CAB39: variants seen among roughly 807,000 people sequenced by gnomAD.
CAB39 encodes the protein calcium binding protein 39, also known as calcium-binding protein 39.
CAB39 carries 8 observed loss-of-function variants against 40.0 expected under a neutral mutation model. The ratio of observed to expected loss-of-function variants is 0.20; its 90% CI spans 0.12 to 0.36. CAB39 has a LOEUF of 0.36. Among genes scored for constraint, CAB39 ranks in the 10% least tolerant of loss-of-function variants. The pLI, the probability that CAB39 is intolerant of heterozygous loss-of-function variation, is 1.00. For synonymous variants in CAB39, 156 were observed against 141.6 expected (o/e 1.10, Z -0.72); for missense variants, 270 against 401.1 (o/e 0.67, Z 2.79).
chr2:230,815,793 T>C (rs914839741), intron 7 of CAB39, among the ~76,000 whole-genome samples: 2 of 152,220 alleles, frequency 1.3e-5, no homozygotes, highest in Non-Finnish European at 2.9e-5. Flanking sequence ...CTGCAGTTTA[T>C]GTTAGCGGTG....
At chr2:230,809,892 A>G (rs1696274744) in intron 5 of CAB39, among the ~76,000 whole-genome samples, 1 of 152,116 alleles carries the variant, frequency 6.6e-6, no homozygotes, top group African/African-American at 2.4e-5. Context: ...ATTGTTTGAC[A>G]GTTTACCACT....
chr2:230,722,261 T>G (rs1226152462), intron 1 of CAB39, among the ~76,000 whole-genome samples: 3 of 152,216 alleles, frequency 2.0e-5, no homozygotes. Flanking sequence ...ACTACAAGGT[T>G]ACATGAATTT....
At chr2:230,750,610 GTTT>G (rs1156635929) in intron 1 of CAB39, among the ~76,000 whole-genome samples, 3 of 151,364 alleles carry the variant, frequency 2.0e-5, no homozygotes, top group African/African-American at 7.3e-5. Flanking sequence ...TCTCAATTTT[GTTT>G]TTATTTTAAA....
chr2:230,764,446 C>G (rs1401635940), intron 2 of CAB39, among the ~76,000 whole-genome samples: 2 of 152,164 alleles, frequency 1.3e-5, no homozygotes, highest in Non-Finnish European at 2.9e-5. Flanking sequence ...ACAATATTTT[C>G]AACTTTTGAT....
chr2:230,750,812 A>G (rs1205682003), intron 1 of CAB39, among the ~76,000 whole-genome samples: 1 of 152,230 alleles, frequency 6.6e-6, no homozygotes, highest in Admixed American at 6.5e-5. Context: ...TTTAATTCTT[A>G]TACCATATCG....
chr2:230,754,840 C>T (rs1355781196), intron 1 of CAB39, among the ~76,000 whole-genome samples: 1 of 152,138 alleles, frequency 6.6e-6, no homozygotes, highest in South Asian at 2.1e-4. Context: ...TTCTATCGCT[C>T]GCCCGCTTCC....
In CAB39 at chr2:230,775,834, C is replaced by T. The variant is rs192265644; in HGVS notation, c.115-15038C>T. On this transcript the variant is annotated intron_variant, in intron 2 of 8. Transcript: ENST00000258418. Reference sequence around the variant, plus strand: ...GGGCAGATAGGCATAGGAGTCAAACCTTGTCCCCGTTCTTAAAAAAGTATA... The same window carrying T: ...GGGCAGATAGGCATAGGAGTCAAACTTTGTCCCCGTTCTTAAAAAAGTATA... Among the ~76,000 whole-genome samples the T allele has an allele frequency of 4.6e-5, 7 of 152,166 alleles. No individual in the cohort carries two copies. In the East Asian group the frequency reaches 1.4e-3, roughly 29 times the overall value.
chr2:230,754,937 T>G (rs1040431529), intron 1 of CAB39, among the ~76,000 whole-genome samples: 2 of 152,242 alleles, frequency 1.3e-5, no homozygotes, highest in African/African-American at 4.8e-5. Flanking sequence ...AACATTATGA[T>G]GTTTGGTTTT....
At chr2:230,722,373 CCTCAAACTCCTGGG>C (rs1388787217) in intron 1 of CAB39, among the ~76,000 whole-genome samples, 3 of 152,066 alleles carry the variant, frequency 2.0e-5, no homozygotes, top group Non-Finnish European at 4.4e-5. Context: ...CCCAGGCTGG[CCTCAAACTCCTGGG>C]CTCAAGCGAT....
intron 1 of CAB39, among the ~76,000 whole-genome samples, chr2:230,743,616 A>T (rs1268436950): frequency 1.3e-5 from 2 of 152,206 alleles, no homozygotes; most frequent in African/African-American, 2.4e-5. Flanking sequence ...TTTATTTATG[A>T]TGTTATTAAG....
chr2:230,787,617 T>C (rs528051487), intron 2 of CAB39, among the ~76,000 whole-genome samples: 59 of 152,328 alleles, frequency 3.9e-4, no homozygotes, highest in Admixed American at 2.9e-3. Flanking sequence ...TCTGACTCAA[T>C]TATACAATAT....
intron 2 of CAB39, among the ~76,000 whole-genome samples, chr2:230,774,236 A>C (rs1165654417): frequency 6.6e-6 from 1 of 152,088 alleles, no homozygotes; most frequent in African/African-American, 2.4e-5. Context: ...ATTTCTTGTG[A>C]TCTCACAGAC....
chr2:230,744,148 A>G (rs1180016587), intron 1 of CAB39, among the ~76,000 whole-genome samples: 1 of 152,070 alleles, frequency 6.6e-6, no homozygotes, highest in Non-Finnish European at 1.5e-5. Flanking sequence ...GGAACTCCTG[A>G]CCTCAAGTGA....
chr2:230,802,080 A>G (rs574876735), intron 5 of CAB39, among the ~76,000 whole-genome samples: 38 of 152,332 alleles, frequency 2.5e-4, no homozygotes, highest in Admixed American at 5.9e-4. Flanking sequence ...GTAAGGTTCT[A>G]GAAAGTATGT....
intron 1 of CAB39, among the ~76,000 whole-genome samples, chr2:230,724,688 AAC>A (rs1475965632): frequency 1.2e-4 from 18 of 149,276 alleles, no homozygotes; most frequent in South Asian, 2.1e-4. Flanking sequence ...ATCTAAAAAA[AAC>A]ACACACGCTC....
intron 2 of CAB39, among the ~76,000 whole-genome samples, chr2:230,775,247 T>C (rs1332657649): frequency 1.3e-5 from 2 of 151,924 alleles, no homozygotes; most frequent in African/African-American, 4.8e-5. Context: ...TTTTCTTTTT[T>C]TTTTTTTGAA....
intron 4 of CAB39, 79 bp from the exon 5 acceptor site, chr2:230,798,650 A>G: frequency 1.6e-6 from 2 of 1,230,406 alleles, no homozygotes; most frequent in South Asian, 3.2e-5. Flanking sequence ...CTTTGGCCTG[A>G]AAGTTTGAAC....
chr2:230,799,373 C>T (rs1398395260), intron 5 of CAB39, among the ~76,000 whole-genome samples: 1 of 152,216 alleles, frequency 6.6e-6, no homozygotes, highest in Non-Finnish European at 1.5e-5. Context: ...GGATTCACCT[C>T]TCCCATCTCT....
chr2:230,761,431 A>G (rs1695288840), intron 2 of CAB39, among the ~76,000 whole-genome samples: 1 of 152,188 alleles, frequency 6.6e-6, no homozygotes, highest in Non-Finnish European at 1.5e-5. Context: ...GTGTGATGGT[A>G]CTGGAACTAA....
Sources: gnomAD v4.1 joint callset for allele counts (sites outside exome capture counted in the v4.1 genomes callset) on GRCh38, gnomAD v4.1.1 for gene constraint, MANE v1.5 for transcripts, NCBI Gene and HGNC (gene_info 2026-07-23, HGNC 2026-07-21) for gene names.